The following ZNF785 variants were observed in gnomAD, a reference collection of about 807,000 sequenced individuals.
ZNF785 encodes the protein zinc finger protein 785.
In ZNF785, 15 loss-of-function variants were observed where a neutral mutation model predicts 11.3. The ratio of observed to expected loss-of-function variants is 1.32; its 90% CI spans 0.89 to 2.04. The LOEUF is 2.04. Ranked by LOEUF, ZNF785 falls within the 30% of genes most tolerant of loss-of-function variation. The probability of loss-of-function intolerance (pLI) is 0.00; values close to 1 mark genes in which losing one functional copy is unlikely to be tolerated. For missense variants in ZNF785, 572 were observed against 560.9 expected (o/e 1.02, Z -0.20); for synonymous variants, 221 against 231.0 (o/e 0.96, Z 0.39).
chr16:30,584,659 C>T (rs1326359201), intron 2 of ZNF785, among the ~76,000 whole-genome samples: 1 of 152,118 alleles, frequency 6.6e-6, no homozygotes, highest in Non-Finnish European at 1.5e-5. Flanking sequence ...AAAAATAAGT[C>T]TACACTTGGA....
chr16:30,578,935 C>T (rs1191664015), downstream of ZNF785: 1 of 151,300 alleles, frequency 6.6e-6, no homozygotes, highest in Non-Finnish European at 1.5e-5. Flanking sequence ...TCCTTCTTCA[C>T]CCTCCCCCAC....
chr16:30,584,120 G>A (rs2051858300), intron 2 of ZNF785, among the ~76,000 whole-genome samples: 1 of 152,054 alleles, frequency 6.6e-6, no homozygotes, highest in African/African-American at 2.4e-5. Context: ...ACTCCAGCAT[G>A]GGCGACACAG....
Position 30,585,234 on chromosome 16 carries a change from T to G in ZNF785, c.222A>C (p.Lys74Asn), listed in dbSNP as rs1567521598. 6.2e-7 allele frequency: 1 copy of G among 1,612,280 alleles called. No homozygotes were observed. Among genetic ancestry groups the G allele is most frequent in the Non-Finnish European group, 8.5e-7 (1 of 1,179,402 alleles). ...HLGALGFSVP[K>N]PAFISWVEGE... Reference sequence around the variant, plus strand: ...CTTCCACCCACGAGATAAAAGCGGGTTTGGGAACTGAAAATCCTGCGAAGG... The same window carrying G: ...CTTCCACCCACGAGATAAAAGCGGGGTTGGGAACTGAAAATCCTGCGAAGG... Residue 74 changes from lysine (K) to asparagine (N), a missense_variant, in exon 2 of 3, where the codon AAA becomes AAC. By Grantham distance (94) the Lys-to-Asn change is moderately conservative. Transcript: ENST00000395216. This position sits in a 1 kb window ranked among gnomAD's most constrained non-coding sequence, Gnocchi z 4.0.
chr16:30,580,047 C>T (rs1174279750), downstream of ZNF785, among the ~76,000 whole-genome samples: 3 of 151,554 alleles, frequency 2.0e-5, no homozygotes, highest in African/African-American at 7.3e-5. Context: ...GCCACCATGC[C>T]CGGATAATTT....
Position 30,585,358 on chromosome 16 carries a change from C to T in ZNF785, c.205+49G>A, listed in dbSNP as rs1468016402. 1 of 1,571,582 alleles carries T rather than the reference C, an allele frequency of 6.4e-7. No homozygotes were observed. Among genetic ancestry groups the T allele is most frequent in the Non-Finnish European group, 8.6e-7 (1 of 1,161,294 alleles). On this transcript the variant is annotated intron_variant, in intron 1 of 2. Coordinates refer to ENST00000395216, the MANE Select transcript of ZNF785 (RefSeq NM_152458.7). The surrounding 1 kb of genome is among the most constrained non-coding windows in gnomAD (Gnocchi z 4.0). ...ACTAGCCTCTGGGGACACCGATCAC[C>T]GCTTCCCACCGACGGACTGGGGGTC...
Position 30,581,635 on chromosome 16 carries a change from CTA to C in ZNF785, c.*923_*924del, listed in dbSNP as rs2051811102. 1 of 152,132 alleles carries C rather than the reference CTA, an allele frequency of 6.6e-6. No homozygotes were observed. Among genetic ancestry groups the C allele is most frequent in the African/African-American group, 2.4e-5 (1 of 41,402 alleles). 9.4% of individuals were successfully genotyped at this position (152,132 alleles called of 1,614,324 possible). ...AGAGTTGGCCCAGTTCCAGAGTCCGCTATGTTTGATAGTTTGTGCACTTGCAG... is the reference window on the plus strand; with the variant it reads ...AGAGTTGGCCCAGTTCCAGAGTCCGCTGTTTGATAGTTTGTGCACTTGCAG... On this transcript the variant is annotated 3_prime_UTR_variant, in exon 3 of 3. Transcript: ENST00000395216.
Position 30,583,128 on chromosome 16 carries a change from T to C in ZNF785, c.650A>G (p.Gln217Arg). 6.2e-7 allele frequency: 1 copy of C among 1,613,962 alleles called. No homozygotes were observed. Among genetic ancestry groups the C allele is most frequent in the East Asian group, 2.2e-5 (1 of 44,854 alleles). Residue 217 changes from glutamine (Q) to arginine (R), a missense_variant, in exon 3 of 3, where the codon CAG becomes CGG. Physicochemically the swap from Gln to Arg is conservative, Grantham distance 43. Coordinates refer to ENST00000395216, the MANE Select transcript of ZNF785 (RefSeq NM_152458.7). ...CTCGCCGGTGTGGATGAACTGATGCTGGAGCAGGTACCTGCGCTGGGAGAA... is the reference window on the plus strand; with the variant it reads ...CTCGCCGGTGTGGATGAACTGATGCCGGAGCAGGTACCTGCGCTGGGAGAA... Reference protein sequence around the residue: ...ARFSQRRYLLQHQFIHTGEKP... With the variant: ...ARFSQRRYLLRHQFIHTGEKP...
rs1464980085 is a variant in ZNF785 at position 30,583,229 on chromosome 16, G to A, written c.549C>T (p.Tyr183=). Residue 183 remains tyrosine, a synonymous_variant, in exon 3 of 3, where the codon TAC becomes TAT. Transcript: ENST00000395216. ...SCPDCGRNFS[Y]PSLLASHQRV... is the part of the protein sequence containing the mutation. ...GCTGGTGGCTGGCCAGGAGGGAAGG[G>A]TAGCTGAAGTTGCGGCCACAGTCTG... 2 of 1,613,908 alleles carry A rather than the reference G, an allele frequency of 1.2e-6. No individual in the cohort carries two copies. Among genetic ancestry groups the A allele is most frequent in the Non-Finnish European group, 8.5e-7 (1 of 1,179,852 alleles).
Position 30,580,824 on chromosome 16 carries a change from C to T in ZNF785, c.*1736G>A, listed in dbSNP as rs2051799814. 6.6e-6 allele frequency: 1 copy of T among 151,948 alleles called. No homozygotes were observed. The highest frequency in any genetic ancestry group is 1.5e-5 in the Non-Finnish European group (1 of 68,008). The allele number at this position is 151,948 out of a possible 1,614,324, so 9.4% of individuals were successfully genotyped here. On this transcript the variant is annotated 3_prime_UTR_variant, in exon 3 of 3. Coordinates refer to ENST00000395216, the MANE Select transcript of ZNF785 (RefSeq NM_152458.7). ...GCCTTCATAACTGTTGACATACAAG[C>T]ATTACAGTAAAAATTAGACTGGAAA...
Position 30,585,117 on chromosome 16 carries a change from A to G in ZNF785, c.334+5T>C, listed in dbSNP as rs1325725073. The G allele has an allele frequency of 1.4e-5, 22 of 1,603,360 alleles. No homozygotes were observed. In the Admixed American group the frequency reaches 3.7e-4, roughly 27 times the overall value. On this transcript the variant is annotated splice_donor_5th_base_variant and intron_variant, in intron 2 of 2. Coordinates refer to ENST00000395216, the MANE Select transcript of ZNF785 (RefSeq NM_152458.7). The surrounding 1 kb of genome is among the most constrained non-coding windows in gnomAD (Gnocchi z 4.0). ...TCTCCACGGCTACTTATCCAAATGAAGTACCTGCTTCCTGTCCTTGGCCCC... is the reference window on the plus strand; with the variant it reads ...TCTCCACGGCTACTTATCCAAATGAGGTACCTGCTTCCTGTCCTTGGCCCC...
intron 2 of ZNF785, 140 bp from the exon 3 acceptor site, chr16:30,583,583 G>A: frequency 8.7e-7 from 1 of 1,154,870 alleles, no homozygotes; most frequent in Non-Finnish European, 1.2e-6. Context: ...ATGGCGCCCA[G>A]GGAGCACGGC....
chr16:30,580,186 C>CTTTTT (rs35143221), downstream of ZNF785, among the ~76,000 whole-genome samples: 2 of 92,542 alleles, frequency 2.2e-5, no homozygotes, highest in Admixed American at 1.3e-4. Context: ...CACACCAGGC[C>CTTTTT]TTTTTTTTTT....
chr16:30,585,182 C>A lies in ZNF785; in HGVS notation c.274G>T (p.Ala92Ser), dbSNP rs537260758. ...EGEVEAWSPE[A>S]QDPDGESSAA... Reference sequence around the variant, plus strand: ...GAGCTCTCACCGTCGGGATCCTGGGCCTCCGGGCTCCACGCCTCCACTTCT... The same window carrying A: ...GAGCTCTCACCGTCGGGATCCTGGGACTCCGGGCTCCACGCCTCCACTTCT... Residue 92 changes from alanine (A) to serine (S), a missense_variant, in exon 2 of 3, where the codon GCC becomes TCC. By Grantham distance (99) the Ala-to-Ser change is moderately conservative. Transcript: ENST00000395216. This position sits in a 1 kb window ranked among gnomAD's most constrained non-coding sequence, Gnocchi z 4.0. 2 of 1,614,144 alleles carry A rather than the reference C, an allele frequency of 1.2e-6. No homozygotes were observed. Among genetic ancestry groups the A allele is most frequent in the Non-Finnish European group, 8.5e-7 (1 of 1,180,008 alleles).
intron 2 of ZNF785, among the ~76,000 whole-genome samples, chr16:30,584,319 T>G (rs1336024923): frequency 6.6e-6 from 1 of 152,030 alleles, no homozygotes; most frequent in African/African-American, 2.4e-5. Context: ...TCAAATTCTT[T>G]TGGCACCTTT....
In ZNF785 at chr16:30,582,985, A is replaced by G. The variant is rs1209323391; in HGVS notation, c.793T>C (p.Phe265Leu). 1 of 1,614,038 alleles carries G rather than the reference A, an allele frequency of 6.2e-7. No individual in the cohort carries two copies. The highest frequency in any genetic ancestry group is 1.1e-5 in the South Asian group (1 of 91,086). ...ATGGCCAGCAGGTAGGGGTAAGTGA[A>G]GCGACTCTTGCAGTCTGAGCACGCG... ...PYACSDCKSR[F>L]TYPYLLAIHQ... is the part of the protein sequence containing the mutation. Residue 265 changes from phenylalanine to leucine, a missense_variant, in exon 3 of 3, where the codon TTC becomes CTC. Transcript: ENST00000395216.
intron 2 of ZNF785, 54 bp from the exon 3 acceptor site, chr16:30,583,497 G>A: frequency 6.6e-7 from 1 of 1,515,290 alleles, no homozygotes; most frequent in Non-Finnish European, 8.8e-7. Context: ...CCTGAGACAG[G>A]AAAGATGATA....
Position 30,585,098 on chromosome 16 carries a change from C to T in ZNF785, c.334+24G>A. The T allele has an allele frequency of 6.3e-7, 1 of 1,594,378 alleles. No homozygotes were observed. Among genetic ancestry groups the T allele is most frequent in the Non-Finnish European group, 8.6e-7 (1 of 1,166,760 alleles). Reference sequence around the variant, plus strand: ...GGGGGCGGGGGTTGGGGCTTCTCCACGGCTACTTATCCAAATGAAGTACCT... The same window carrying T: ...GGGGGCGGGGGTTGGGGCTTCTCCATGGCTACTTATCCAAATGAAGTACCT... On this transcript the variant is annotated intron_variant, in intron 2 of 2. Transcript: ENST00000395216. The surrounding 1 kb of genome is among the most constrained non-coding windows in gnomAD (Gnocchi z 4.0).
In ZNF785 at chr16:30,585,130, T is replaced by A; in HGVS notation, c.326A>T (p.Gln109Leu). The stretch of plus-strand genomic sequence containing the variant: ...TTATCCAAATGAAGTACCTGCTTCC[T>A]GTCCTTGGCCCCTGCTGAAAGCTGC... ...SSAAFSRGQG[Q>L]EAGSRDGNEE... The change falls in exon 2 of 3, where the codon CAG (glutamine) becomes CTG (leucine). Residue 109 changes from glutamine to leucine, a missense_variant. Gln to Leu is a moderately radical substitution (Grantham distance 113). Transcript: ENST00000395216. The surrounding 1 kb of genome is among the most constrained non-coding windows in gnomAD (Gnocchi z 4.0). 1 of 1,609,110 alleles carries A rather than the reference T, an allele frequency of 6.2e-7. No individual in the cohort carries two copies. The highest frequency in any genetic ancestry group is 2.2e-5 in the East Asian group (1 of 44,740).
chr16:30,582,562 A>C lies in ZNF785; in HGVS notation c.1216T>G (p.Ter406GlyextTer39). ...HFPDIFQECG[*>G] Reference sequence around the variant, plus strand: ...CTGACCAGTTTGTGTGAACGCCATCACCCACACTCTTGAAATATATCTGGA... The same window carrying C: ...CTGACCAGTTTGTGTGAACGCCATCCCCCACACTCTTGAAATATATCTGGA... The change falls in exon 3 of 3, where the codon TGA becomes GGA. Residue 406 changes from the stop codon to glycine, a stop_lost. Coordinates refer to ENST00000395216, the MANE Select transcript of ZNF785 (RefSeq NM_152458.7). 6.2e-7 allele frequency: 1 copy of C among 1,613,808 alleles called. No individual in the cohort carries two copies. Among genetic ancestry groups the C allele is most frequent in the South Asian group, 1.1e-5 (1 of 91,076 alleles).
Sources: allele counts gnomAD v4.1 joint callset (sites outside exome capture counted in the v4.1 genomes callset), GRCh38; gene constraint gnomAD v4.1.1; non-coding constraint Gnocchi (gnomAD v3.1); transcripts MANE v1.5; gene names NCBI Gene and HGNC (gene_info 2026-07-23, HGNC 2026-07-21).